TEKT2: variants seen among roughly 807,000 people sequenced by gnomAD.
TEKT2 encodes the protein tektin-2.
In TEKT2, 45 loss-of-function variants were observed where a neutral mutation model predicts 49.8. The observed-to-expected ratio is 0.90, with a 90% CI of 0.71 to 1.16. The LOEUF is 1.16. Ranked by LOEUF, TEKT2 falls within the 50% of genes most tolerant of loss-of-function variation. TEKT2 has a pLI of 0.00. For synonymous variants in TEKT2, 202 were observed against 224.6 expected, an observed-to-expected ratio of 0.90 and a Z score of 0.90; for missense variants, 523 against 551.4, an observed-to-expected ratio of 0.95 and a Z score of 0.52.
Position 36,087,497 on chromosome 1 carries a change from G to A in TEKT2, c.914G>A (p.Arg305His), listed in dbSNP as rs764884280. Residue 305 changes from arginine to histidine, a missense_variant, in exon 8 of 10, where the codon CGC becomes CAC. Transcript: ENST00000207457. This position sits in a 1 kb window ranked among gnomAD's most constrained non-coding sequence, Gnocchi z 4.9. ...ATCCGGCACCTGGAGGAGGATCTGC[G>A]CACAAAGCTCCTGAGCCTGAAGCTG... ...EDIRHLEEDL[R>H]TKLLSLKLSH... is the part of the protein sequence containing the mutation. The A allele has an allele frequency of 3.5e-5, 56 of 1,613,700 alleles. No individual in the cohort carries two copies. The highest frequency in any genetic ancestry group is 4.5e-5 in the Non-Finnish European group (53 of 1,180,040).
At position 36,084,628 on chromosome 1, in the gene TEKT2, T is replaced by TA; in HGVS notation, c.-52-241dup. The TA allele has an allele frequency of 1.9e-6, 1 of 536,584 alleles. No homozygotes were observed. Among genetic ancestry groups the TA allele is most frequent in the Non-Finnish European group, 3.4e-6 (1 of 297,278 alleles). 33.2% of individuals were successfully genotyped at this position (536,584 alleles called of 1,614,324 possible). On this transcript the variant is annotated intron_variant, in intron 1 of 9. Coordinates refer to ENST00000207457, the MANE Select transcript of TEKT2 (RefSeq NM_014466.3). This position sits in a 1 kb window ranked among gnomAD's most constrained non-coding sequence, Gnocchi z 4.1. The stretch of plus-strand genomic sequence containing the variant: ...CACTTCGAGGCTTCCGGGACTCCAT[T>TA]ATTCCTTTTTACCTGCTCCAGGACC...
In TEKT2 at chr1:36,085,001, A is replaced by G. The variant is rs376264521; in HGVS notation, c.80A>G (p.Asn27Ser). The change falls in exon 2 of 10, where the codon AAT (asparagine) becomes AGT (serine). Residue 27 changes from asparagine to serine, a missense_variant. Physicochemically the swap from Asn to Ser is conservative, Grantham distance 46. Coordinates refer to ENST00000207457, the MANE Select transcript of TEKT2 (RefSeq NM_014466.3). ...WHTNSYLLST[N>S]AQLQRDASHQ... Reference sequence around the variant, plus strand: ...ACTAACAGCTACCTGCTATCCACCAATGCCCAGCTGCAGCGAGATGCTTCC... The same window carrying G: ...ACTAACAGCTACCTGCTATCCACCAGTGCCCAGCTGCAGCGAGATGCTTCC... The G allele has an allele frequency of 8.7e-6, 14 of 1,613,982 alleles. No individual in the cohort carries two copies. Among genetic ancestry groups the G allele is most frequent in the South Asian group, 3.3e-5 (3 of 91,074 alleles).
Position 36,087,402 on chromosome 1 carries a change from T to C in TEKT2, c.856-37T>C. On this transcript the variant is annotated intron_variant, in intron 7 of 9. Coordinates refer to ENST00000207457, the MANE Select transcript of TEKT2 (RefSeq NM_014466.3). The surrounding 1 kb of genome is among the most constrained non-coding windows in gnomAD (Gnocchi z 4.9). Reference sequence around the variant, plus strand: ...GCACTGGACCAGGCATGCACGTGAGTCCAGCAGGTGGAAACCAGTCACTCT... The same window carrying C: ...GCACTGGACCAGGCATGCACGTGAGCCCAGCAGGTGGAAACCAGTCACTCT... 6.2e-7 allele frequency: 1 copy of C among 1,613,572 alleles called. No individual in the cohort carries two copies. The highest frequency in any genetic ancestry group is 8.5e-7 in the Non-Finnish European group (1 of 1,179,952).
chr1:36,087,650 G>A lies in TEKT2; in HGVS notation c.999+68G>A. ...TTTTCTCATATTCCTGATGGAGCAA[G>A]GGCACTGCTGTCAAGGGGCAGCACT... is the stretch of plus-strand genomic sequence containing the variant. On this transcript the variant is annotated intron_variant, in intron 8 of 9. Coordinates refer to ENST00000207457, the MANE Select transcript of TEKT2 (RefSeq NM_014466.3). This position sits in a 1 kb window ranked among gnomAD's most constrained non-coding sequence, Gnocchi z 4.9. 6.2e-7 allele frequency: 1 copy of A among 1,612,436 alleles called. No individual in the cohort carries two copies. Among genetic ancestry groups the A allele is most frequent in the Admixed American group, 1.7e-5 (1 of 59,766 alleles).
rs146068790 is a variant in TEKT2, at chr1:36,087,729, C to T, written c.1001C>T (p.Ala334Val). The stretch of plus-strand genomic sequence containing the variant: ...AACTCCCAACCCCTCTGCCTCCAGG[C>T]ACAGTACGGCCTCACCGACGAGGTT... ...RPNVELCRDQ[A>V]QYGLTDEVHQ... The change falls in exon 9 of 10, where the codon GCA (alanine) becomes GTA (valine). Residue 334 changes from alanine to valine, a missense_variant and splice_region_variant. Ala to Val is a moderately conservative substitution (Grantham distance 64, BLOSUM62 0). Transcript: ENST00000207457. The surrounding 1 kb of genome is among the most constrained non-coding windows in gnomAD (Gnocchi z 4.9). 8 of 1,613,510 alleles carry T rather than the reference C, an allele frequency of 5.0e-6. No homozygotes were observed. The African/African-American group carries it at 9.3e-5, about 19-fold the overall frequency.
chr1:36,087,868 C>A lies in TEKT2; in HGVS notation c.1079+61C>A, dbSNP rs1304441858. On this transcript the variant is annotated intron_variant, in intron 9 of 9. Coordinates refer to ENST00000207457, the MANE Select transcript of TEKT2 (RefSeq NM_014466.3). This position sits in a 1 kb window ranked among gnomAD's most constrained non-coding sequence, Gnocchi z 4.9. ...CGCTGCCCACAAATGGGGCCTCTTGCTGGCTGCTGGCTCCCTGGGGCTGTC... is the reference window on the plus strand; with the variant it reads ...CGCTGCCCACAAATGGGGCCTCTTGATGGCTGCTGGCTCCCTGGGGCTGTC... 26 of 1,599,298 alleles carry A rather than the reference C, an allele frequency of 1.6e-5. No individual in the cohort carries two copies. Among genetic ancestry groups the A allele is most frequent in the African/African-American group, 2.7e-5 (2 of 74,694 alleles).
At position 36,086,803 on chromosome 1, in the gene TEKT2, C is replaced by T; in HGVS notation, c.588C>T (p.Ser196=). The T allele has an allele frequency of 6.2e-7, 1 of 1,614,122 alleles. No individual in the cohort carries two copies. The highest frequency in any genetic ancestry group is 8.5e-7 in the Non-Finnish European group (1 of 1,180,028). ...GCTGTCTCTCTCTCAACCTCAGATC[C>T]CCAAACATCTCGCTGAAGGTTGACC... is the stretch of plus-strand genomic sequence containing the variant. ...DRGCLSLNLR[S]PNISLKVDPT... The change falls in exon 5 of 10, where the codon TCC becomes TCT. Residue 196 remains serine (S), a synonymous_variant. Transcript: ENST00000207457.
chr1:36,085,407 G>A (rs1257159743), intron 3 of TEKT2, 119 bp downstream of exon 3: 4 of 1,505,502 alleles, frequency 2.7e-6, no homozygotes, highest in African/African-American at 1.4e-5. Context: ...CGAGTCACTG[G>A]CCCCCTGCTA....
In TEKT2 at chr1:36,086,920, G is replaced by A. The variant is rs1254055948; in HGVS notation, c.633-11G>A. ...CACCCTCATGACCCCCATTTTCCCT[G>A]CCACCTGCAGCTCCACCACACTCCA... is the stretch of plus-strand genomic sequence containing the variant. On this transcript the variant is annotated splice_polypyrimidine_tract_variant and intron_variant, in intron 5 of 9. Coordinates refer to ENST00000207457, the MANE Select transcript of TEKT2 (RefSeq NM_014466.3). The A allele has an allele frequency of 1.2e-6, 2 of 1,613,584 alleles. No individual in the cohort carries two copies. Among genetic ancestry groups the A allele is most frequent in the African/African-American group, 2.7e-5 (2 of 74,880 alleles).
At position 36,087,228 on chromosome 1, in the gene TEKT2, A is replaced by G. The variant is rs977595430; in HGVS notation, c.772A>G (p.Arg258Gly). The change falls in exon 7 of 10, where the codon AGA (arginine) becomes GGA (glycine). Residue 258 changes from arginine to glycine, a missense_variant. Physicochemically the swap from Arg to Gly is moderately radical, Grantham distance 125. Transcript: ENST00000207457. The surrounding 1 kb of genome is among the most constrained non-coding windows in gnomAD (Gnocchi z 4.9). The part of the protein sequence containing the change: ...AETNNELEAQ[R>G]VATEFAFRKR... ...GACCAACAACGAGCTTGAAGCCCAG[A>G]GAGTTGCAACGGAATTTGCCTTCAG... 6 of 1,614,144 alleles carry G rather than the reference A, an allele frequency of 3.7e-6. No homozygotes were observed. Among genetic ancestry groups the G allele is most frequent in the Non-Finnish European group, 5.1e-6 (6 of 1,180,040 alleles).
At chr1:36,086,613 A>C in intron 4 of TEKT2, 91 bp from the exon 5 acceptor site, 11 of 1,574,836 alleles carry the variant, frequency 7.0e-6, no homozygotes, top group Non-Finnish European at 9.6e-6. Flanking sequence ...GGGTCACCCC[A>C]GCCTCCTCTT....
rs1326788013 is a variant in TEKT2, at chr1:36,085,199, G to A, written c.193G>A (p.Val65Met). 6.2e-7 allele frequency: 1 copy of A among 1,614,228 alleles called. No homozygotes were observed. Among genetic ancestry groups the A allele is most frequent in the Non-Finnish European group, 8.5e-7 (1 of 1,180,048 alleles). ...TGAACATGACAACAGGACTCGACTG[G>A]TGGAGAGGATTGATACTGTCAACCG... The part of the protein sequence containing the change: ...WDEHDNRTRL[V>M]ERIDTVNRWK... The change falls in exon 3 of 10, where the codon GTG (valine) becomes ATG (methionine). Residue 65 changes from valine (V) to methionine (M), a missense_variant. Transcript: ENST00000207457.
rs1034105217 is a variant in TEKT2 at position 36,084,822 on chromosome 1, CAGG to C, written c.-52-44_-52-42del. On this transcript the variant is annotated intron_variant, in intron 1 of 9. Transcript: ENST00000207457. The surrounding 1 kb of genome is among the most constrained non-coding windows in gnomAD (Gnocchi z 4.1). ...AGTCCTGCGCAGGGGGCGTGTGATC[CAGG>C]AGGTCTCCGGAAAGGTCTCCCGCAG... 5.1e-6 allele frequency: 8 copies of C among 1,569,638 alleles called. No individual in the cohort carries two copies. In the African/African-American group the frequency reaches 1.1e-4, roughly 21 times the overall value.
chr1:36,085,335 C>T, intron 3 of TEKT2, 47 bp downstream of exon 3: 1 of 1,612,102 alleles, frequency 6.2e-7, no homozygotes, highest in East Asian at 2.2e-5. Context: ...CGAAACCTCC[C>T]CTCCTTCCCC....
At position 36,087,920 on chromosome 1, in the gene TEKT2, C is replaced by G; in HGVS notation, c.1080-53C>G. ...TCCTGACTGAAGGCTATGCACGCAG[C>G]CCAGGCCTCCCAGCCTCATGGGGGC... On this transcript the variant is annotated intron_variant, in intron 9 of 9. Coordinates refer to ENST00000207457, the MANE Select transcript of TEKT2 (RefSeq NM_014466.3). This position sits in a 1 kb window ranked among gnomAD's most constrained non-coding sequence, Gnocchi z 4.9. 1.3e-6 allele frequency: 2 copies of G among 1,589,708 alleles called. No individual in the cohort carries two copies. Among genetic ancestry groups the G allele is most frequent in the Middle Eastern group, 1.7e-4 (1 of 5,826 alleles).
rs1241594485 is a variant in TEKT2 at position 36,087,351 on chromosome 1, G to A, written c.855+40G>A. ...GGGCCTGGACTTCCTGCTGTGGGAT[G>A]AGAAGCCGCATGCCCCCGCCAGGAG... is the stretch of plus-strand genomic sequence containing the variant. On this transcript the variant is annotated intron_variant, in intron 7 of 9. Transcript: ENST00000207457. This position sits in a 1 kb window ranked among gnomAD's most constrained non-coding sequence, Gnocchi z 4.9. The A allele has an allele frequency of 3.7e-6, 6 of 1,613,698 alleles. No homozygotes were observed. In the African/African-American group the frequency reaches 5.3e-5, roughly 14 times the overall value.
intron 4 of TEKT2, among the ~76,000 whole-genome samples, chr1:36,086,333 G>C (rs1643372468): frequency 6.6e-6 from 1 of 152,142 alleles, no homozygotes; most frequent in African/African-American, 2.4e-5. Flanking sequence ...GAGTGTGTGT[G>C]TATGAGCCTT....
At chr1:36,086,488 A>G (rs1360784554) in intron 4 of TEKT2, among the ~76,000 whole-genome samples, 1 of 150,856 alleles carries the variant, frequency 6.6e-6, no homozygotes, top group Non-Finnish European at 1.5e-5. Context: ...TGTGTAGGGC[A>G]CGTGGGGGCA....
At chr1:36,086,883 C>T (rs749477604) in intron 5 of TEKT2, 36 bp downstream of exon 5, 3 of 1,614,084 alleles carry the variant, frequency 1.9e-6, no homozygotes, top group East Asian at 2.2e-5. Context: ...CTTCTCCTCC[C>T]CTCCCAGGCC....
Sources: allele counts gnomAD v4.1 joint callset (sites outside exome capture counted in the v4.1 genomes callset), GRCh38; gene constraint gnomAD v4.1.1; non-coding constraint Gnocchi (gnomAD v3.1); transcripts MANE v1.5; gene names NCBI Gene and HGNC (gene_info 2026-07-23, HGNC 2026-07-21).